The following RMDN1 variants were observed in gnomAD, a reference collection of about 807,000 sequenced individuals.
RMDN1 encodes the protein regulator of microtubule dynamics 1.
Under a neutral mutation model 48.9 loss-of-function variants are expected in RMDN1, and 48 were observed. The observed-to-expected ratio is 0.98, with a 90% CI of 0.78 to 1.25. The LOEUF (loss-of-function observed/expected upper bound fraction) is 1.25. Ranked by LOEUF, RMDN1 falls within the 50% of genes most tolerant of loss-of-function variation. The pLI is 0.00. For missense variants in RMDN1, 418 were observed against 373.4 expected (o/e 1.12, Z -0.98); for synonymous variants, 148 against 132.6 (o/e 1.12, Z -0.80).
chr8:86,510,975 CTTG>C, upstream of RMDN1, among the ~76,000 whole-genome samples: 1 of 145,366 alleles, frequency 6.9e-6, no homozygotes, highest in Admixed American at 7.5e-5. Flanking sequence ...ACATGTTTTT[CTTG>C]TTGTTGTTTG....
chr8:86,488,466 A>C, intron 3 of RMDN1, 86 bp downstream of exon 3: 1 of 643,080 alleles, frequency 1.6e-6, no homozygotes. Context: ...AATTTTTAAA[A>C]CCTCAAGCAC....
chr8:86,470,558 C>T (rs993626943), downstream of RMDN1: 2 of 502,408 alleles, frequency 4.0e-6, no homozygotes, highest in African/African-American at 2.0e-5. Flanking sequence ...GCATGTATCC[C>T]AGAGAGATAA....
At chr8:86,493,826 T>A (rs751709874) in intron 2 of RMDN1, among the ~76,000 whole-genome samples, 1 of 152,190 alleles carries the variant, frequency 6.6e-6, no homozygotes, top group Non-Finnish European at 1.5e-5. Flanking sequence ...AAATGCAACA[T>A]AAATAAACTC....
downstream of RMDN1, among the ~76,000 whole-genome samples, chr8:86,470,735 T>C (rs146320913): frequency 2.4e-3 from 367 of 152,182 alleles, 1 homozygote; most frequent in Non-Finnish European, 4.6e-3. Flanking sequence ...TGATAGAACT[T>C]AGGTCTCAAG....
intron 2 of RMDN1, chr8:86,504,298 A>G: frequency 6.3e-7 from 1 of 1,578,098 alleles, no homozygotes; most frequent in Non-Finnish European, 8.7e-7. Context: ...ATCCCAAGAC[A>G]ACCAGGAGAT....
chr8:86,474,300 A>C lies in RMDN1; in HGVS notation c.*8T>G. ...TTAGCTATTTCATAAATCTTCTCTGAAAAGTTCTCAATTCTTCTCACTGAA... is the reference window on the plus strand; with the variant it reads ...TTAGCTATTTCATAAATCTTCTCTGCAAAGTTCTCAATTCTTCTCACTGAA... On this transcript the variant is annotated 3_prime_UTR_variant, in exon 10 of 10. Transcript: ENST00000406452. The C allele has an allele frequency of 6.2e-7, 1 of 1,613,516 alleles. No homozygotes were observed. Among genetic ancestry groups the C allele is most frequent in the Non-Finnish European group, 8.5e-7 (1 of 1,179,772 alleles).
At chr8:86,476,612 G>A (rs899389797) in intron 8 of RMDN1, among the ~76,000 whole-genome samples, 4 of 152,150 alleles carry the variant, frequency 2.6e-5, no homozygotes, top group East Asian at 1.9e-4. Flanking sequence ...AACATAACCC[G>A]AAACTCTTTT....
chr8:86,471,917 A>G (rs896733694), downstream of RMDN1, among the ~76,000 whole-genome samples: 1 of 152,214 alleles, frequency 6.6e-6, no homozygotes, highest in Non-Finnish European at 1.5e-5. Context: ...TTGTGGATGG[A>G]AAGATTAGCA....
Position 86,507,019 on chromosome 8 carries a change from C to A in RMDN1, c.223G>T (p.Ala75Ser), listed in dbSNP as rs770960852. 2.1e-5 allele frequency: 34 copies of A among 1,608,642 alleles called. 1 individual carries two copies. The South Asian group carries it at 2.3e-4, about 11-fold the overall frequency. Reference protein sequence around the residue: ...FETYQVISQAAVVHATAKVEE... With the variant: ...FETYQVISQASVVHATAKVEE... ...CCTTTGGCTGTGGCATGAACCACAG[C>A]AGCCTGAGAGATAACCTGGTAAGTT... Residue 75 changes from alanine to serine, a missense_variant, in exon 2 of 10, where the codon GCT becomes TCT. By Grantham distance (99) the Ala-to-Ser change is moderately conservative. Transcript: ENST00000406452.
chr8:86,504,682 G>C lies in RMDN1; in HGVS notation c.247+2313C>G, dbSNP rs1300815924. ...AATGGGATGAGCTTTGTCTTTATCG[G>C]GGCTATCTTGGTCTTTGTGGCCTTT... On this transcript the variant is annotated intron_variant, in intron 2 of 9. Transcript: ENST00000406452. 1.0e-5 allele frequency: 9 copies of C among 873,932 alleles called. No individual in the cohort carries two copies. The African/African-American group carries it at 1.3e-4, about 13-fold the overall frequency. 54.1% of individuals were successfully genotyped at this position (873,932 alleles called of 1,614,324 possible). A position where few individuals can be genotyped will look rare whatever the true frequency, so the allele number is the denominator to read the frequency against.
intron 2 of RMDN1, chr8:86,504,098 TG>T: frequency 9.6e-7 from 1 of 1,046,578 alleles, no homozygotes; most frequent in Non-Finnish European, 1.5e-6. Context: ...ATCTTTGGTC[TG>T]GAATTCAAAT....
chr8:86,508,713 C>G, upstream of RMDN1: 2 of 1,340,626 alleles, frequency 1.5e-6, no homozygotes, highest in Non-Finnish European at 1.9e-6. Context: ...GAAAGAACCG[C>G]GCCCGCCCGC....
intron 2 of RMDN1, among the ~76,000 whole-genome samples, chr8:86,495,306 C>T (rs1460457617): frequency 6.6e-6 from 1 of 152,136 alleles, no homozygotes; most frequent in Non-Finnish European, 1.5e-5. Context: ...GGCCCACTCT[C>T]ATCACAGACC....
chr8:86,468,849 G>A (rs1198092392), downstream of RMDN1: 1 of 388,484 alleles, frequency 2.6e-6, no homozygotes, highest in Non-Finnish European at 5.0e-6. Context: ...GTAGAAATAT[G>A]GTCCCCCACT....
chr8:86,504,260 T>G (rs1020312445), intron 2 of RMDN1: 1 of 1,571,064 alleles, frequency 6.4e-7, no homozygotes, highest in Non-Finnish European at 8.8e-7. Context: ...AAGTAGATCC[T>G]CCAGCAGTTG....
At chr8:86,503,124 C>A (rs1269006098) in intron 2 of RMDN1, among the ~76,000 whole-genome samples, 1 of 151,898 alleles carries the variant, frequency 6.6e-6, no homozygotes, top group Non-Finnish European at 1.5e-5. Flanking sequence ...GAGGCCGAGG[C>A]GGCCAGATCA....
chr8:86,501,186 C>T (rs1818155066), intron 2 of RMDN1, among the ~76,000 whole-genome samples: 1 of 152,054 alleles, frequency 6.6e-6, no homozygotes, highest in Non-Finnish European at 1.5e-5. Context: ...CACGTGTACC[C>T]TCTGAATCTA....
chr8:86,470,288 A>T (rs1316968181), downstream of RMDN1: 2 of 1,289,338 alleles, frequency 1.6e-6, no homozygotes, highest in South Asian at 1.2e-5. Flanking sequence ...ACACAAGAAC[A>T]ATCAGGTGGG....
chr8:86,496,811 C>T (rs1295116805), intron 2 of RMDN1, among the ~76,000 whole-genome samples: 5 of 152,050 alleles, frequency 3.3e-5, no homozygotes, highest in Non-Finnish European at 5.9e-5. Context: ...CTACAAGGTA[C>T]CCTACCCAAG....
Sources: gnomAD v4.1 joint callset for allele counts (sites outside exome capture counted in the v4.1 genomes callset) on GRCh38, gnomAD v4.1.1 for gene constraint, MANE v1.5 for transcripts, NCBI Gene and HGNC (gene_info 2026-07-23, HGNC 2026-07-21) for gene names.